NINL: variants seen among roughly 807,000 people sequenced by gnomAD.
NINL encodes the protein ninein like.
In NINL, 153 loss-of-function variants were observed where a neutral mutation model predicts 160.3. That is an observed-to-expected ratio of 0.95 (90% CI 0.84 to 1.09). NINL has a LOEUF of 1.09. Among genes scored for constraint, NINL ranks in the 50% least tolerant of loss-of-function variants. The pLI is 0.00. For synonymous variants in NINL, 800 were observed against 734.8 expected (o/e 1.09, Z -1.43); for missense variants, 1,829 against 1,764.0 (o/e 1.04, Z -0.66).
chr20:25,471,862 T>C (rs916179321), intron 17 of NINL, among the ~76,000 whole-genome samples: 1 of 152,002 alleles, frequency 6.6e-6, no homozygotes, highest in Non-Finnish European at 1.5e-5. Flanking sequence ...ATCAAGCAAA[T>C]ATGAGCTCAC....
rs2063336058 is a variant in NINL, at chr20:25,479,240, A to G, written c.1918-34T>C. 6.4e-6 allele frequency: 10 copies of G among 1,570,986 alleles called. 1 individual carries two copies. The highest frequency in any genetic ancestry group is 3.4e-4 in the Middle Eastern group (2 of 5,822). On this transcript the variant is annotated intron_variant, in intron 15 of 23. Coordinates refer to ENST00000278886, the MANE Select transcript of NINL (RefSeq NM_025176.6). ...AGAAACATGAGCCCCGTGGACCAGG[A>G]GACCCTAAGAATGATCTTGCTGCTG...
intron 1 of NINL, chr20:25,540,136 G>A: frequency 2.1e-6 from 2 of 950,806 alleles, no homozygotes; most frequent in Non-Finnish European, 2.9e-6. Context: ...CAGAAAATCT[G>A]GCCAGCATTC....
chr20:25,502,010 C>A (rs949751555), intron 7 of NINL, among the ~76,000 whole-genome samples: 4 of 152,154 alleles, frequency 2.6e-5, no homozygotes, highest in African/African-American at 9.7e-5. Flanking sequence ...GAGCCAGAGT[C>A]TCACTCTGTC....
At chr20:25,467,772 A>G (rs918015604) in intron 18 of NINL, among the ~76,000 whole-genome samples, 3 of 152,226 alleles carry the variant, frequency 2.0e-5, no homozygotes, top group African/African-American at 4.8e-5. Flanking sequence ...ACATTCCTCA[A>G]TCAAATACAT....
intron 9 of NINL, among the ~76,000 whole-genome samples, chr20:25,497,129 G>A (rs2063772922): frequency 6.6e-6 from 1 of 152,220 alleles, no homozygotes; most frequent in Non-Finnish European, 1.5e-5. Context: ...TGGTTTGTGA[G>A]CCCTCTCATC....
chr20:25,558,929 G>A lies in NINL; in HGVS notation c.-12+26526C>T, dbSNP rs533105167. On this transcript the variant is annotated intron_variant, in intron 1 of 23. Transcript: ENST00000278886. Reference sequence around the variant, plus strand: ...TTTCTCAATATCAAGCCGCAGAAGCGAGACACACGCTTGCACCTTCTGCTT... The same window carrying A: ...TTTCTCAATATCAAGCCGCAGAAGCAAGACACACGCTTGCACCTTCTGCTT... Among the ~76,000 whole-genome samples, 42 of 152,322 alleles carry A rather than the reference G, an allele frequency of 2.8e-4. No homozygotes were observed. In the South Asian group the frequency reaches 7.5e-3, roughly 27 times the overall value.
At chr20:25,543,466 G>A (rs865944081) in intron 1 of NINL, among the ~76,000 whole-genome samples, 8 of 152,174 alleles carry the variant, frequency 5.3e-5, no homozygotes, top group Admixed American at 3.3e-4. Flanking sequence ...TAGGAGTGAG[G>A]CAGGAGAATA....
chr20:25,520,415 G>A (rs902245798), intron 2 of NINL, among the ~76,000 whole-genome samples: 5 of 152,318 alleles, frequency 3.3e-5, no homozygotes, highest in Non-Finnish European at 5.9e-5. Flanking sequence ...AATGCAAAAT[G>A]TGGCTGTTTC....
At chr20:25,457,194 C>A (rs1028511600) in intron 22 of NINL, among the ~76,000 whole-genome samples, 1 of 150,078 alleles carries the variant, frequency 6.7e-6, no homozygotes, top group Admixed American at 6.6e-5. Context: ...CATGGTGATG[C>A]GTGCCTGTAG....
At chr20:25,524,547 T>C (rs2064321352) in intron 2 of NINL, among the ~76,000 whole-genome samples, 1 of 152,148 alleles carries the variant, frequency 6.6e-6, no homozygotes, top group Non-Finnish European at 1.5e-5. Context: ...CACACACATA[T>C]GAGAAGCCTC....
intron 1 of NINL, among the ~76,000 whole-genome samples, chr20:25,533,640 A>C (rs371950064): frequency 1.3e-5 from 2 of 152,224 alleles, no homozygotes; most frequent in South Asian, 4.1e-4. Context: ...ATGCATACAA[A>C]TGATCTTCAA....
At chr20:25,482,161 G>C (rs1012237181) in intron 13 of NINL, 61 bp from the exon 14 acceptor site, 7 of 1,551,268 alleles carry the variant, frequency 4.5e-6, no homozygotes, top group Non-Finnish European at 6.1e-6. Context: ...CAGCGAGCTG[G>C]CCGAGCTGGC....
At position 25,500,992 on chromosome 20, in the gene NINL, A is replaced by G; in HGVS notation, c.880T>C (p.Cys294Arg). The change falls in exon 8 of 24, where the codon TGC becomes CGC. Residue 294 changes from cysteine to arginine, a missense_variant. Coordinates refer to ENST00000278886, the MANE Select transcript of NINL (RefSeq NM_025176.6). ...AGGGATGAGGTTGTGGTGGTGTGGC[A>G]GCCGCTCTCCTCTGGGACCTGCATG... ...SHYQVPEESG[C>R]HTTTTSSLVS... is the part of the protein sequence containing the mutation. 1 of 1,614,122 alleles carries G rather than the reference A, an allele frequency of 6.2e-7. No individual in the cohort carries two copies. The highest frequency in any genetic ancestry group is 2.2e-5 in the East Asian group (1 of 44,890).
chr20:25,535,234 G>A (rs1028883846), intron 1 of NINL, among the ~76,000 whole-genome samples: 7 of 152,190 alleles, frequency 4.6e-5, no homozygotes, highest in African/African-American at 1.4e-4. Context: ...GAGAAGCTAC[G>A]AGTGAACAGA....
At chr20:25,553,192 A>G (rs2064826243) in intron 1 of NINL, among the ~76,000 whole-genome samples, 1 of 141,256 alleles carries the variant, frequency 7.1e-6, no homozygotes, top group Admixed American at 7.8e-5. Context: ...GCAGCCTCAC[A>G]TTCCTGGGCT....
At chr20:25,585,103 G>GC (rs953323955) in intron 1 of NINL, among the ~76,000 whole-genome samples, 14 of 152,134 alleles carry the variant, frequency 9.2e-5, no homozygotes, top group African/African-American at 3.1e-4. Flanking sequence ...ACCACGGGGG[G>GC]CCCCGGCCAA....
chr20:25,466,179 A>G (rs542542756), intron 19 of NINL, among the ~76,000 whole-genome samples: 1 of 151,840 alleles, frequency 6.6e-6, no homozygotes, highest in Admixed American at 6.6e-5. Flanking sequence ...ATGGCAGCAT[A>G]CTCAGCTGAT....
chr20:25,498,421 G>A (rs1294063825), intron 8 of NINL, 75 bp from the exon 9 acceptor site: 2 of 1,572,608 alleles, frequency 1.3e-6, no homozygotes, highest in Non-Finnish European at 1.7e-6. Context: ...CTCCCTCCCT[G>A]ATCCAGGGCC....
At chr20:25,534,899 T>C (rs2064530380) in intron 1 of NINL, among the ~76,000 whole-genome samples, 1 of 152,236 alleles carries the variant, frequency 6.6e-6, no homozygotes, top group Non-Finnish European at 1.5e-5. Flanking sequence ...TGTAAGTAGT[T>C]GTTATACCAT....
Sources: allele counts gnomAD v4.1 joint callset (sites outside exome capture counted in the v4.1 genomes callset), GRCh38; gene constraint gnomAD v4.1.1; transcripts MANE v1.5; gene names NCBI Gene and HGNC (gene_info 2026-07-23, HGNC 2026-07-21).